The following RGS8 variants were observed in gnomAD, a reference collection of about 807,000 sequenced individuals.
RGS8 encodes regulator of G-protein signaling 8.
RGS8 carries 8 observed loss-of-function variants against 21.7 expected under a neutral mutation model. The observed-to-expected ratio is 0.37, with a 90% CI of 0.22 to 0.66. The LOEUF is 0.66. Among genes scored for constraint, RGS8 ranks in the 30% least tolerant of loss-of-function variants. RGS8 has a pLI of 0.59. For missense variants in RGS8, 157 were observed against 217.9 expected (o/e 0.72, Z 1.76); for synonymous variants, 80 against 83.6 (o/e 0.96, Z 0.24).
At chr1:182,699,147 C>G in the RGS8 span, among the ~76,000 whole-genome samples, 3 of 152,216 alleles carry the variant, frequency 2.0e-5, no homozygotes, top group South Asian at 2.1e-4. Flanking sequence ...GCCTCTCCAG[C>G]TGCTGTACTT....
At chr1:182,672,400 T>C (rs545568956), upstream of RGS8, 47 of 269,936 alleles carry the variant, frequency 1.7e-4, no homozygotes, top group Non-Finnish European at 3.1e-4. Context: ...CACATCTAAA[T>C]TCCACCCCCT....
chr1:182,682,070 GA>G (rs1480160384), intron 1 of RGS8, among the ~76,000 whole-genome samples: 4 of 152,168 alleles, frequency 2.6e-5, no homozygotes, highest in African/African-American at 9.7e-5. Flanking sequence ...TAGGTGTTTG[GA>G]CAAAGAAGAA....
intron 5 of RGS8, among the ~76,000 whole-genome samples, chr1:182,662,875 A>G (rs754055611): frequency 2.6e-5 from 4 of 152,290 alleles, no homozygotes; most frequent in African/African-American, 4.8e-5. Flanking sequence ...CACTTGGTAC[A>G]TCTTTTTAAA....
the RGS8 span, among the ~76,000 whole-genome samples, chr1:182,708,887 G>A: frequency 1.3e-5 from 2 of 152,348 alleles, no homozygotes; most frequent in South Asian, 2.1e-4. Flanking sequence ...GGTCGCTGAT[G>A]CACTGCTCCC....
chr1:182,748,810 A>G, the RGS8 span, among the ~76,000 whole-genome samples: 2 of 152,106 alleles, frequency 1.3e-5, no homozygotes, highest in Non-Finnish European at 2.9e-5. Flanking sequence ...ACTGGGTGAA[A>G]TGGTATCTCA....
intron 1 of RGS8, among the ~76,000 whole-genome samples, chr1:182,681,150 A>T (rs1664523360): frequency 6.6e-6 from 1 of 152,212 alleles, no homozygotes; most frequent in Non-Finnish European, 1.5e-5. Context: ...CCCCACACCC[A>T]GTGGGGAGAG....
the RGS8 span, among the ~76,000 whole-genome samples, chr1:182,749,751 G>A: frequency 6.6e-6 from 1 of 152,052 alleles, no homozygotes; most frequent in Non-Finnish European, 1.5e-5. Flanking sequence ...CAAGTTCCAG[G>A]ATACGTGTGC....
chr1:182,665,298 T>A (rs886962410), intron 5 of RGS8, among the ~76,000 whole-genome samples: 1 of 152,154 alleles, frequency 6.6e-6, no homozygotes. Flanking sequence ...AAGCAAGAGA[T>A]GAAAAGTTTG....
intron 5 of RGS8, among the ~76,000 whole-genome samples, chr1:182,653,714 A>C (rs1663132212): frequency 6.6e-6 from 1 of 152,152 alleles, no homozygotes; most frequent in African/African-American, 2.4e-5. Flanking sequence ...AAATAAAAAT[A>C]AAAGAGATAG....
At chr1:182,703,194 C>T in the RGS8 span, among the ~76,000 whole-genome samples, 1 of 152,224 alleles carries the variant, frequency 6.6e-6, no homozygotes, top group East Asian at 1.9e-4. Flanking sequence ...AATTCCCTGC[C>T]TATGCCTTCT....
At chr1:182,733,995 G>A in the RGS8 span, among the ~76,000 whole-genome samples, 1 of 151,522 alleles carries the variant, frequency 6.6e-6, no homozygotes, top group South Asian at 2.1e-4. Flanking sequence ...ATCTCGGCTC[G>A]CTGCAACCTC....
At chr1:182,709,811 T>C in the RGS8 span, among the ~76,000 whole-genome samples, 1 of 152,240 alleles carries the variant, frequency 6.6e-6, no homozygotes, top group African/African-American at 2.4e-5. Context: ...TTTGCATCAG[T>C]TTCTTCATCT....
intron 5 of RGS8, among the ~76,000 whole-genome samples, chr1:182,654,578 T>C (rs776132278): frequency 1.3e-5 from 2 of 152,224 alleles, no homozygotes; most frequent in African/African-American, 2.4e-5. Flanking sequence ...GCTAGTCTAG[T>C]GTAACCGACA....
At chr1:182,650,509 ACT>A (rs1662956946) in intron 5 of RGS8, among the ~76,000 whole-genome samples, 1 of 152,232 alleles carries the variant, frequency 6.6e-6, no homozygotes, top group Non-Finnish European at 1.5e-5. Context: ...GACTCCCAAC[ACT>A]AAGCTTGAAG....
At chr1:182,692,544 C>G in the RGS8 span, among the ~76,000 whole-genome samples, 1 of 151,922 alleles carries the variant, frequency 6.6e-6, no homozygotes, top group Non-Finnish European at 1.5e-5. Flanking sequence ...AATAACCATA[C>G]TGATGAAAGC....
the RGS8 span, among the ~76,000 whole-genome samples, chr1:182,743,861 C>A: frequency 1.3e-4 from 20 of 152,202 alleles, no homozygotes; most frequent in Non-Finnish European, 2.9e-5. Flanking sequence ...CACATACCCA[C>A]ACACATATAC....
chr1:182,741,015 T>C, the RGS8 span, among the ~76,000 whole-genome samples: 1 of 151,890 alleles, frequency 6.6e-6, no homozygotes, highest in East Asian at 1.9e-4. Flanking sequence ...TTCCCCCCTT[T>C]CTATTCTACA....
the RGS8 span, among the ~76,000 whole-genome samples, chr1:182,718,799 A>C: frequency 6.6e-6 from 1 of 152,186 alleles, no homozygotes; most frequent in African/African-American, 2.4e-5. Context: ...CAAAAAAATA[A>C]ATAAATAAAT....
chr1:182,686,694 G>A (rs1035839708), upstream of RGS8, among the ~76,000 whole-genome samples: 1 of 152,196 alleles, frequency 6.6e-6, no homozygotes, highest in Non-Finnish European at 1.5e-5. Context: ...GGGCAGAAGT[G>A]GAAGAGGAGT....
Sources: gnomAD v4.1 joint callset for allele counts (sites outside exome capture counted in the v4.1 genomes callset) on GRCh38, gnomAD v4.1.1 for gene constraint, MANE v1.5 for transcripts, NCBI Gene and HGNC (gene_info 2026-07-23, HGNC 2026-07-21) for gene names.